Variants in IMMP2L observed in about 807,000 individuals in gnomAD.
The protein encoded by IMMP2L is inner mitochondrial membrane peptidase subunit 2.
A neutral mutation model predicts 19.3 loss-of-function variants in IMMP2L; 18 were observed. That is an observed-to-expected ratio of 0.93 (90% confidence interval 0.64 to 1.38). The LOEUF (loss-of-function observed/expected upper bound fraction) is 1.38, where lower values mean the gene tolerates loss of function less well. Among genes scored for constraint, IMMP2L ranks in the 40% most tolerant of loss-of-function variants. The pLI, the probability that IMMP2L is intolerant of heterozygous loss-of-function variation, is 0.00. For synonymous variants in IMMP2L, 76 were observed against 73.0 expected, an observed-to-expected ratio of 1.04 and a Z score of -0.21; for missense variants, 233 against 218.2, an observed-to-expected ratio of 1.07 and a Z score of -0.43.
chr7:111,044,000 G>C (rs1792140322), intron 3 of IMMP2L, among the ~76,000 whole-genome samples: 1 of 152,100 alleles, frequency 6.6e-6, no homozygotes, highest in Admixed American at 6.5e-5. Flanking sequence ...AAAACACTGA[G>C]GCATTCACCA....
intron 3 of IMMP2L, among the ~76,000 whole-genome samples, chr7:111,118,983 AAT>A (rs1297069403): frequency 3.9e-5 from 6 of 152,172 alleles, no homozygotes; most frequent in Admixed American, 3.9e-4. Context: ...ATTAAACACA[AAT>A]ATAAATTTTA....
chr7:111,444,684 A>G (rs1838122339), intron 3 of IMMP2L, among the ~76,000 whole-genome samples: 1 of 152,152 alleles, frequency 6.6e-6, no homozygotes, highest in Non-Finnish European at 1.5e-5. Context: ...CAAAATTTAT[A>G]TACTTCCTAC....
At chr7:110,929,378 C>A (rs948520264) in intron 4 of IMMP2L, among the ~76,000 whole-genome samples, 11 of 152,162 alleles carry the variant, frequency 7.2e-5, no homozygotes, top group African/African-American at 2.7e-4. Context: ...AAAGTAAGGT[C>A]TCCTATGATC....
intron 3 of IMMP2L, among the ~76,000 whole-genome samples, chr7:110,984,278 T>G (rs1027920813): frequency 2.3e-4 from 35 of 150,920 alleles, no homozygotes; most frequent in African/African-American, 8.6e-4. Flanking sequence ...TTGAGTGGTA[T>G]GTTACTTATC....
At chr7:111,227,044 A>C (rs1420193913) in intron 3 of IMMP2L, among the ~76,000 whole-genome samples, 2 of 152,088 alleles carry the variant, frequency 1.3e-5, no homozygotes, top group Non-Finnish European at 2.9e-5. Flanking sequence ...AAGGCAATGG[A>C]TAAGAGAAAG....
chr7:111,052,704 T>G (rs1410525914), intron 3 of IMMP2L, among the ~76,000 whole-genome samples: 1 of 152,170 alleles, frequency 6.6e-6, no homozygotes, highest in African/African-American at 2.4e-5. Context: ...CATATTTGGC[T>G]CAGAATAAAC....
At chr7:111,403,447 G>GTA (rs111864985) in intron 3 of IMMP2L, among the ~76,000 whole-genome samples, 7,928 of 146,438 alleles carry the variant, frequency 0.054, 271 homozygotes, top group South Asian at 0.09. Context: ...TACAGCCCAG[G>GTA]TATATATATA....
intron 4 of IMMP2L, among the ~76,000 whole-genome samples, chr7:110,893,820 A>G (rs1811058008): frequency 6.6e-6 from 1 of 152,176 alleles, no homozygotes; most frequent in African/African-American, 2.4e-5. Context: ...TTAAACTGTA[A>G]AACTGTGGCC....
chr7:111,350,723 C>A (rs1198327307), intron 3 of IMMP2L, among the ~76,000 whole-genome samples: 1 of 152,112 alleles, frequency 6.6e-6, no homozygotes, highest in Non-Finnish European at 1.5e-5. Flanking sequence ...GAGACTCTAA[C>A]ACCTCTTCCA....
At chr7:111,482,948 A>G (rs1006231921) in intron 3 of IMMP2L, among the ~76,000 whole-genome samples, 1 of 152,206 alleles carries the variant, frequency 6.6e-6, no homozygotes, top group African/African-American at 2.4e-5. Context: ...GAAGGTGACT[A>G]AAGAGACATA....
chr7:110,819,728 C>T (rs987594100), intron 5 of IMMP2L, among the ~76,000 whole-genome samples: 6 of 151,934 alleles, frequency 3.9e-5, no homozygotes, highest in African/African-American at 1.4e-4. Flanking sequence ...GCTAGAGGAG[C>T]TCAGAATGGG....
intron 3 of IMMP2L, among the ~76,000 whole-genome samples, chr7:111,418,865 T>C (rs920917937): frequency 4.6e-5 from 7 of 151,866 alleles, no homozygotes; most frequent in Admixed American, 2.6e-4. Context: ...AAATGCCCAA[T>C]AGCTAAATGC....
At chr7:110,681,956 T>C (rs1792751799) in intron 5 of IMMP2L, among the ~76,000 whole-genome samples, 1 of 152,170 alleles carries the variant, frequency 6.6e-6, no homozygotes, top group Non-Finnish European at 1.5e-5. Context: ...GTTCTTGTGA[T>C]GTTGCTGACA....
At chr7:111,170,848 C>T (rs1045312458) in intron 3 of IMMP2L, among the ~76,000 whole-genome samples, 1 of 150,622 alleles carries the variant, frequency 6.6e-6, no homozygotes. Flanking sequence ...GTACCCATTA[C>T]CCCAACAGTG....
At chr7:110,798,542 C>T (rs1245039027) in intron 5 of IMMP2L, among the ~76,000 whole-genome samples, 2 of 151,926 alleles carry the variant, frequency 1.3e-5, no homozygotes, top group African/African-American at 4.8e-5. Context: ...TAACTTTTGG[C>T]ATTCATATTA....
intron 3 of IMMP2L, among the ~76,000 whole-genome samples, chr7:111,129,503 A>T (rs1432732131): frequency 6.6e-6 from 1 of 151,986 alleles, no homozygotes; most frequent in East Asian, 1.9e-4. Context: ...AACAGAAAAG[A>T]CTACAATGAT....
At chr7:111,232,485 G>A (rs957727747) in intron 3 of IMMP2L, among the ~76,000 whole-genome samples, 3 of 151,386 alleles carry the variant, frequency 2.0e-5, no homozygotes, top group African/African-American at 4.9e-5. Context: ...GGACTGCAAA[G>A]GCCAGTCCTG....
At chr7:111,406,243 C>T (rs921961372) in intron 3 of IMMP2L, among the ~76,000 whole-genome samples, 1 of 152,054 alleles carries the variant, frequency 6.6e-6, no homozygotes, top group Non-Finnish European at 1.5e-5. Flanking sequence ...TCAGAATCCT[C>T]CTTGATTCCT....
chr7:111,343,828 C>T (rs1827268770), intron 3 of IMMP2L, among the ~76,000 whole-genome samples: 1 of 152,086 alleles, frequency 6.6e-6, no homozygotes, highest in Non-Finnish European at 1.5e-5. Context: ...ACTCTTCAAG[C>T]TTTATTTTCC....
Sources: gnomAD v4.1 joint callset for allele counts (sites outside exome capture counted in the v4.1 genomes callset) on GRCh38, gnomAD v4.1.1 for gene constraint, MANE v1.5 for transcripts, NCBI Gene and HGNC (gene_info 2026-07-23, HGNC 2026-07-21) for gene names.